The following CTNNA2 variants were observed in gnomAD, a reference collection of about 807,000 sequenced individuals.
The protein encoded by CTNNA2 is catenin alpha-2.
CTNNA2 carries 42 observed loss-of-function variants against 101.0 expected under a neutral mutation model. That is an observed-to-expected ratio of 0.42 (90% CI 0.32 to 0.54). The LOEUF is 0.54. Ranked by LOEUF, CTNNA2 falls within the 20% of genes least tolerant of loss-of-function variation. The probability of loss-of-function intolerance (pLI) is 0.14; values close to 1 mark genes in which losing one functional copy is unlikely to be tolerated. For synonymous variants in CTNNA2, 450 were observed against 456.4 expected (o/e 0.99, Z 0.18); for missense variants, 871 against 1,223.1 (o/e 0.71, Z 4.29).
intron 8 of CTNNA2, among the ~76,000 whole-genome samples, chr2:80,406,719 C>T (rs1011247100): frequency 5.5e-5 from 8 of 145,854 alleles, no homozygotes; most frequent in African/African-American, 1.5e-4. Context: ...CCCAGCTACT[C>T]GGGAGGCTGA....
At chr2:79,665,631 A>T (rs1416072132) in intron 2 of CTNNA2, among the ~76,000 whole-genome samples, 1 of 152,194 alleles carries the variant, frequency 6.6e-6, no homozygotes, top group Non-Finnish European at 1.5e-5. Flanking sequence ...ACTATCTTTT[A>T]AAAATATTTT....
chr2:79,642,756 A>G (rs1680531966), intron 1 of CTNNA2, among the ~76,000 whole-genome samples: 2 of 147,398 alleles, frequency 1.4e-5, no homozygotes, highest in Non-Finnish European at 3.0e-5. Flanking sequence ...CTATGTAGAT[A>G]ATAATACAAA....
At chr2:80,285,702 T>C (rs187901140) in intron 7 of CTNNA2, among the ~76,000 whole-genome samples, 1 of 152,304 alleles carries the variant, frequency 6.6e-6, no homozygotes. Context: ...CCTTCAGAGA[T>C]GTTCATCAGA....
At position 79,549,407 on chromosome 2, in the gene CTNNA2, A is replaced by G. The variant is rs144690613; in HGVS notation, c.-6+36200A>G. ...GTCCAATTAACTTACAGTCATTTAC[A>G]TAGTATACAAATGTGATGTTTTGCA... On this transcript the variant is annotated intron_variant, in intron 1 of 18. Transcript: ENST00000402739. 8.2e-3 allele frequency among the ~76,000 whole-genome samples: 1,242 copies of G among 152,324 alleles called. 5 individuals carry two copies. The highest frequency in any genetic ancestry group is 0.028 in the African/African-American group (1,171 of 41,572).
In CTNNA2 at chr2:80,069,605, GA is replaced by G. The variant is rs1277957800; in HGVS notation, c.1056+159811del. Among the ~76,000 whole-genome samples, 3 of 152,254 alleles carry G rather than the reference GA, an allele frequency of 2.0e-5. No individual in the cohort carries two copies. The East Asian group carries it at 5.8e-4, about 29-fold the overall frequency. On this transcript the variant is annotated intron_variant, in intron 7 of 18. Transcript: ENST00000402739. ...CACCATAACTTCAATATTATGATGT[GA>G]AATTAACAATGCTTAAATATTTATA...
intron 9 of CTNNA2, among the ~76,000 whole-genome samples, chr2:80,449,597 T>G (rs1308813718): frequency 6.6e-6 from 1 of 152,188 alleles, no homozygotes; most frequent in Non-Finnish European, 1.5e-5. Flanking sequence ...ACATTTAAGA[T>G]TTTAAGCCAA....
intron 7 of CTNNA2, among the ~76,000 whole-genome samples, chr2:80,241,084 T>G (rs1485183816): frequency 6.6e-6 from 1 of 152,100 alleles, no homozygotes; most frequent in Non-Finnish European, 1.5e-5. Context: ...TCTAATTCGG[T>G]CAGGACACCC....
chr2:79,811,355 A>T (rs981109466), intron 3 of CTNNA2, among the ~76,000 whole-genome samples: 10 of 151,982 alleles, frequency 6.6e-5, no homozygotes, highest in African/African-American at 2.4e-4. Context: ...GATATGCTTC[A>T]CCCACTTTTT....
chr2:79,847,541 T>TAAA (rs1574120227), intron 3 of CTNNA2, among the ~76,000 whole-genome samples: 1 of 4,312 alleles, frequency 2.3e-4, no homozygotes, highest in Non-Finnish European at 9.9e-4. Flanking sequence ...AGACTCTGTC[T>TAAA]CAAAAAAAAA....
At chr2:79,555,675 A>G (rs921647226) in intron 1 of CTNNA2, among the ~76,000 whole-genome samples, 2 of 152,178 alleles carry the variant, frequency 1.3e-5, no homozygotes, top group Admixed American at 6.6e-5. Flanking sequence ...ATTCTTAGTT[A>G]TGTGCCGTTT....
At chr2:80,098,169 T>C (rs1700284695) in intron 7 of CTNNA2, among the ~76,000 whole-genome samples, 1 of 152,188 alleles carries the variant, frequency 6.6e-6, no homozygotes, top group African/African-American at 2.4e-5. Context: ...GATGGTGACG[T>C]ACAAATGGGT....
intron 6 of CTNNA2, among the ~76,000 whole-genome samples, chr2:79,878,519 T>C (rs1008425623): frequency 3.3e-5 from 5 of 152,218 alleles, no homozygotes; most frequent in African/African-American, 1.2e-4. Context: ...TTTTTAATAA[T>C]TGCCATTCTG....
At chr2:79,338,581 T>TTTTTCCTCTTCC (rs1291017840) in intron 3 of CTNNA2, among the ~76,000 whole-genome samples, 3 of 110,902 alleles carry the variant, frequency 2.7e-5, no homozygotes. Context: ...CCTCATCATC[T>TTTTTCCTCTTCC]TCTTCTTCTT....
intron 7 of CTNNA2, among the ~76,000 whole-genome samples, chr2:80,054,308 A>G (rs184216838): frequency 6.9e-4 from 105 of 152,282 alleles, no homozygotes; most frequent in African/African-American, 2.5e-3. Context: ...ATTCTGAGAG[A>G]CCCTAAACTA....
chr2:79,641,906 A>G (rs1432057641), intron 1 of CTNNA2, among the ~76,000 whole-genome samples: 3 of 152,192 alleles, frequency 2.0e-5, no homozygotes, highest in Admixed American at 6.5e-5. Context: ...GTGCTATTGT[A>G]AGTATAAAAA....
intron 2 of CTNNA2, among the ~76,000 whole-genome samples, chr2:79,207,548 T>C (rs1483122979): frequency 6.6e-6 from 1 of 152,166 alleles, no homozygotes. Flanking sequence ...CTCCAACACA[T>C]AAAAATCACA....
intron 7 of CTNNA2, among the ~76,000 whole-genome samples, chr2:79,983,011 G>A (rs182398191): frequency 3.2e-4 from 49 of 151,862 alleles, no homozygotes; most frequent in Admixed American, 2.5e-3. Flanking sequence ...TCAAATAATT[G>A]ATGGCCACTG....
intron 9 of CTNNA2, among the ~76,000 whole-genome samples, chr2:80,468,079 A>G (rs941194616): frequency 4.6e-5 from 7 of 152,170 alleles, no homozygotes; most frequent in African/African-American, 1.7e-4. Context: ...CAGTGTCCTT[A>G]GAGTATCTTG....
intron 1 of CTNNA2, among the ~76,000 whole-genome samples, chr2:79,621,931 G>A (rs1208738467): frequency 6.6e-6 from 1 of 152,172 alleles, no homozygotes; most frequent in Non-Finnish European, 1.5e-5. Flanking sequence ...AATACCTGAT[G>A]AGTATTTCTC....
Sources: allele counts gnomAD v4.1 joint callset (sites outside exome capture counted in the v4.1 genomes callset), GRCh38; gene constraint gnomAD v4.1.1; transcripts MANE v1.5; gene names NCBI Gene and HGNC (gene_info 2026-07-23, HGNC 2026-07-21).